NRG1: variants seen among roughly 807,000 people sequenced by gnomAD.
NRG1 encodes the protein pro-neuregulin-1, membrane-bound isoform.
NRG1 carries 18 observed loss-of-function variants against 63.8 expected under a neutral mutation model. The ratio of observed to expected loss-of-function variants is 0.28; its 90% CI spans 0.19 to 0.42. The LOEUF is 0.42. NRG1 is among the 10% of genes least tolerant of loss of function. NRG1 has a pLI of 1.00. For synonymous variants in NRG1, 302 were observed against 301.3 expected (o/e 1.00, Z -0.02); for missense variants, 762 against 814.7 (o/e 0.94, Z 0.79).
intron 1 of NRG1, among the ~76,000 whole-genome samples, chr8:32,303,352 TAA>T (rs1261522151): frequency 6.7e-6 from 1 of 150,364 alleles, no homozygotes; most frequent in South Asian, 2.1e-4. Context: ...TTAAAAACAT[TAA>T]AAAAAAACAC....
At chr8:32,582,945 G>A (rs1007997628) in intron 1 of NRG1, among the ~76,000 whole-genome samples, 2 of 152,108 alleles carry the variant, frequency 1.3e-5, no homozygotes, top group African/African-American at 4.8e-5. Context: ...TGGCCTTCCT[G>A]GTGTCAGTCT....
intron 1 of NRG1, among the ~76,000 whole-genome samples, chr8:32,267,202 G>A (rs1851072574): frequency 7.0e-6 from 1 of 143,248 alleles, no homozygotes; most frequent in Non-Finnish European, 1.5e-5. Context: ...AAGGAAGGAA[G>A]GAAGGAAAAA....
At chr8:31,967,039 T>C (rs1016165) in intron 1 of NRG1, among the ~76,000 whole-genome samples, 49,154 of 152,072 alleles carry the variant, frequency 0.32, 9,932 homozygotes, top group Non-Finnish European at 0.44. Context: ...CATATTAAAA[T>C]TAACTTGTAT....
chr8:32,332,782 G>A lies in NRG1; in HGVS notation c.38-263046G>A, dbSNP rs1243531513. On this transcript the variant is annotated intron_variant, in intron 1 of 10. Coordinates refer to the NRG1 transcript ENST00000519301. ...GTGCAATTAACCACCAGACCGTGAG[G>A]CCTCTCTGTCATATGCAAGCTCGTC... Among the ~76,000 whole-genome samples the A allele has an allele frequency of 5.9e-5, 9 of 152,244 alleles. 1 individual carries two copies. Among genetic ancestry groups the A allele is most frequent in the African/African-American group, 1.7e-4 (7 of 41,546 alleles).
chr8:32,614,293 G>C, intron 3 of NRG1: 1 of 415,086 alleles, frequency 2.4e-6, no homozygotes, highest in Non-Finnish European at 4.3e-6. Context: ...AATTATTTTA[G>C]CACAGCTGAT....
At chr8:31,779,550 A>G (rs1340827608) in intron 1 of NRG1, among the ~76,000 whole-genome samples, 1 of 152,214 alleles carries the variant, frequency 6.6e-6, no homozygotes, top group Non-Finnish European at 1.5e-5. Flanking sequence ...CCACTGTAAT[A>G]GAAAAAGCAG....
chr8:31,751,911 T>C (rs1403283956), intron 1 of NRG1, among the ~76,000 whole-genome samples: 2 of 152,052 alleles, frequency 1.3e-5, no homozygotes, highest in Non-Finnish European at 2.9e-5. Flanking sequence ...GTTTTATGAA[T>C]TTGATCATTT....
intron 1 of NRG1, among the ~76,000 whole-genome samples, chr8:32,146,266 T>G (rs1312440806): frequency 6.6e-6 from 1 of 152,200 alleles, no homozygotes; most frequent in Non-Finnish European, 1.5e-5. Flanking sequence ...AGAGAACTTG[T>G]GAAAGGTGGT....
At chr8:32,636,890 G>A (rs1220390280) in intron 5 of NRG1, among the ~76,000 whole-genome samples, 19 of 152,012 alleles carry the variant, frequency 1.2e-4, no homozygotes, top group Admixed American at 1.2e-3. Context: ...GGGGAAAGAG[G>A]TAGTGATGGG....
intron 1 of NRG1, among the ~76,000 whole-genome samples, chr8:32,211,440 T>G (rs1844694987): frequency 6.6e-6 from 1 of 152,190 alleles, no homozygotes; most frequent in African/African-American, 2.4e-5. Flanking sequence ...GTGGAATTGC[T>G]GAGCCAGGGG....
At chr8:32,132,321 T>G (rs1834933376) in intron 1 of NRG1, among the ~76,000 whole-genome samples, 1 of 152,076 alleles carries the variant, frequency 6.6e-6, no homozygotes, top group African/African-American at 2.4e-5. Context: ...AAGCAACATT[T>G]TAGCACAACA....
At chr8:32,708,076 A>G (rs1333179917) in intron 5 of NRG1, among the ~76,000 whole-genome samples, 1 of 151,622 alleles carries the variant, frequency 6.6e-6, no homozygotes, top group African/African-American at 2.4e-5. Flanking sequence ...CATCCTTATT[A>G]TACTTAACAT....
chr8:32,301,850 G>T (rs1033704644), intron 1 of NRG1, among the ~76,000 whole-genome samples: 1 of 152,154 alleles, frequency 6.6e-6, no homozygotes, highest in South Asian at 2.1e-4. Context: ...TTCAACATGA[G>T]ATTTGGGTGG....
At chr8:31,664,586 A>G (rs1806332751) in intron 1 of NRG1, among the ~76,000 whole-genome samples, 1 of 152,258 alleles carries the variant, frequency 6.6e-6, no homozygotes, top group Non-Finnish European at 1.5e-5. Context: ...AAGCCTAGTC[A>G]GTATACCTGA....
chr8:32,358,387 A>C (rs1335541918), intron 1 of NRG1, among the ~76,000 whole-genome samples: 5 of 147,024 alleles, frequency 3.4e-5, no homozygotes, highest in Non-Finnish European at 7.7e-5. Flanking sequence ...AAAAAAAAAA[A>C]AAAACCATGG....
chr8:31,709,139 T>A (rs1306639202), intron 1 of NRG1, among the ~76,000 whole-genome samples: 4 of 152,028 alleles, frequency 2.6e-5, no homozygotes, highest in Non-Finnish European at 5.9e-5. Flanking sequence ...AAGGTTCAAC[T>A]GTAGTCCTTT....
chr8:31,760,417 A>G (rs1031924565), intron 1 of NRG1, among the ~76,000 whole-genome samples: 2 of 152,200 alleles, frequency 1.3e-5, no homozygotes, highest in Non-Finnish European at 1.5e-5. Context: ...TAAAACATCA[A>G]AAGCAATGGC....
At chr8:32,519,730 C>G (rs1319738478) in intron 1 of NRG1, among the ~76,000 whole-genome samples, 1 of 152,110 alleles carries the variant, frequency 6.6e-6, no homozygotes, top group East Asian at 1.9e-4. Flanking sequence ...GAACCAAAAC[C>G]AAGCTAAGCA....
At chr8:32,507,623 G>C (rs1828688208) in intron 1 of NRG1, among the ~76,000 whole-genome samples, 1 of 152,202 alleles carries the variant, frequency 6.6e-6, no homozygotes, top group Non-Finnish European at 1.5e-5. Flanking sequence ...AGAGTAACAT[G>C]AGGTGCCCTT....
Sources: gnomAD v4.1 joint callset for allele counts (sites outside exome capture counted in the v4.1 genomes callset) on GRCh38, gnomAD v4.1.1 for gene constraint, MANE v1.5 for transcripts, NCBI Gene and HGNC (gene_info 2026-07-23, HGNC 2026-07-21) for gene names.